KCNAB2: variants seen among roughly 807,000 people sequenced by gnomAD.
KCNAB2 encodes voltage-gated potassium channel subunit beta-2.
In KCNAB2, 29 loss-of-function variants were observed where a neutral mutation model predicts 63.6. The ratio of observed to expected loss-of-function variants is 0.46; its 90% CI spans 0.34 to 0.62. The LOEUF (loss-of-function observed/expected upper bound fraction) is 0.62. KCNAB2 is among the 20% of genes least tolerant of loss of function. The pLI, the probability that KCNAB2 is intolerant of heterozygous loss-of-function variation, is 0.01. For missense variants in KCNAB2, 359 were observed against 563.9 expected, an observed-to-expected ratio of 0.64 and a Z score of 3.68; for synonymous variants, 222 against 224.2, an observed-to-expected ratio of 0.99 and a Z score of 0.09.
intron 7 of KCNAB2, among the ~76,000 whole-genome samples, chr1:6,088,123 A>G (rs900329261): frequency 5.9e-5 from 9 of 152,064 alleles, no homozygotes; most frequent in Non-Finnish European, 1.3e-4. Flanking sequence ...GCAGTGCCAC[A>G]ATCACAGCTC....
Position 6,071,734 on chromosome 1 carries a change from C to T in KCNAB2, c.219-1021C>T, listed in dbSNP as rs12564084. ...AGGGCTCTGCTGCGTAGGACTCCTG[C>T]GGCGAGGGCTCCCTCCTGCCGCGTG... On this transcript the variant is annotated intron_variant, in intron 2 of 15. Coordinates refer to ENST00000378083, the MANE Select transcript of KCNAB2 (RefSeq NM_001199862.2). The surrounding 1 kb of genome is among the most constrained non-coding windows in gnomAD (Gnocchi z 8.5). 1.3e-4 allele frequency among the ~76,000 whole-genome samples: 20 copies of T among 151,992 alleles called. No individual in the cohort carries two copies.
chr1:6,094,330 C>A, intron 10 of KCNAB2, 70 bp from the exon 11 acceptor site: 1 of 1,182,274 alleles, frequency 8.5e-7, no homozygotes, highest in Non-Finnish European at 1.2e-6. Flanking sequence ...CCTGTATTTG[C>A]AGAATGTCCC....
In KCNAB2 at chr1:6,051,611, C is replaced by T. The variant is rs781152824; in HGVS notation, c.75C>T (p.Pro25=). Residue 25 remains proline (P), a synonymous_variant, in exon 2 of 16, where the codon CCC becomes CCT. Coordinates refer to ENST00000378083, the MANE Select transcript of KCNAB2 (RefSeq NM_001199862.2). ...SRCHSEWALH[P]VRQTDTLELQ... Reference sequence around the variant, plus strand: ...GCCACTCTGAATGGGCCCTGCACCCCGTCCGCCAGACGGACACGCTGGAAC... The same window carrying T: ...GCCACTCTGAATGGGCCCTGCACCCTGTCCGCCAGACGGACACGCTGGAAC... 3.2e-5 allele frequency: 49 copies of T among 1,534,704 alleles called. No homozygotes were observed. Among genetic ancestry groups the T allele is most frequent in the Admixed American group, 2.0e-4 (10 of 50,974 alleles).
intron 1 of KCNAB2, chr1:6,034,838 T>A (rs1659905309): frequency 6.6e-6 from 1 of 152,302 alleles, no homozygotes; most frequent in African/African-American, 2.4e-5. Flanking sequence ...ATCTGTTCCA[T>A]GTCTACTAGG....
Position 6,097,365 on chromosome 1 carries a change from T to G in KCNAB2, c.1158+8T>G, listed in dbSNP as rs1010617295. ...AACATTGGGGCAATACAGGTAAGAG[T>G]GAGAGGCCCTGCTGGGCAGAGGGCC... On this transcript the variant is annotated splice_region_variant and intron_variant, in intron 15 of 15. Coordinates refer to ENST00000378083, the MANE Select transcript of KCNAB2 (RefSeq NM_001199862.2). The G allele has an allele frequency of 2.6e-6, 4 of 1,550,580 alleles. No individual in the cohort carries two copies. In the African/African-American group the frequency reaches 5.5e-5, roughly 21 times the overall value.
rs187919663 is a variant in KCNAB2, at chr1:6,073,972, G to A, written c.300+202G>A. 4.5e-3 allele frequency: 2,686 copies of A among 598,230 alleles called. 9 individuals are homozygous for A. Among genetic ancestry groups the A allele is most frequent in the Non-Finnish European group, 6.2e-3 (2,069 of 333,470 alleles). The allele number at this position is 598,230 out of a possible 1,614,324, so 37.1% of individuals were successfully genotyped here. ...GGTGGCCATGGCCAGAGGGGATGCCGAGTCTGGTGCCATCACCCAGCAGTG... is the reference window on the plus strand; with the variant it reads ...GGTGGCCATGGCCAGAGGGGATGCCAAGTCTGGTGCCATCACCCAGCAGTG... On this transcript the variant is annotated intron_variant, in intron 4 of 15. Coordinates refer to ENST00000378083, the MANE Select transcript of KCNAB2 (RefSeq NM_001199862.2). The surrounding 1 kb of genome is among the most constrained non-coding windows in gnomAD (Gnocchi z 5.7).
chr1:6,004,039 A>G (rs759533006), intron 1 of KCNAB2, among the ~76,000 whole-genome samples: 9 of 152,148 alleles, frequency 5.9e-5, no homozygotes, highest in Non-Finnish European at 1.3e-4. Context: ...TCCCCCGGAG[A>G]GCAGGGAGGA....
At chr1:6,070,107 T>C (rs1663073234) in intron 2 of KCNAB2, among the ~76,000 whole-genome samples, 1 of 152,192 alleles carries the variant, frequency 6.6e-6, no homozygotes, top group South Asian at 2.1e-4. Flanking sequence ...TTTGCAGAGG[T>C]GGGGGCCAGG....
Position 6,098,684 on chromosome 1 carries a change from A to G in KCNAB2, c.*110A>G, listed in dbSNP as rs2100806874. ...GAGTGTGGTTTGCATCCAAGAGAAA[A>G]CACCACACTGTGATGTCATCGGGAA... On this transcript the variant is annotated 3_prime_UTR_variant, in exon 16 of 16. Transcript: ENST00000378083. The G allele has an allele frequency of 6.8e-6, 9 of 1,329,790 alleles. 1 individual carries two copies. The South Asian group carries it at 1.2e-4, about 18-fold the overall frequency. 82.4% of individuals were successfully genotyped at this position (1,329,790 alleles called of 1,614,324 possible).
intron 2 of KCNAB2, among the ~76,000 whole-genome samples, chr1:6,063,677 C>A (rs1662510808): frequency 6.6e-6 from 1 of 152,206 alleles, no homozygotes; most frequent in Admixed American, 6.5e-5. Flanking sequence ...TCCCACAGTG[C>A]TGGGATTACA....
intron 1 of KCNAB2, among the ~76,000 whole-genome samples, chr1:6,039,335 A>G (rs1660309745): frequency 6.6e-6 from 1 of 152,172 alleles, no homozygotes; most frequent in Non-Finnish European, 1.5e-5. Context: ...CACTTTGGAA[A>G]TAGAAGCCCC....
chr1:6,059,487 G>T (rs970846717), intron 2 of KCNAB2, among the ~76,000 whole-genome samples: 1 of 152,178 alleles, frequency 6.6e-6, no homozygotes, highest in Non-Finnish European at 1.5e-5. Flanking sequence ...ACTGTGCCCA[G>T]CCACACCTGT....
intron 4 of KCNAB2, among the ~76,000 whole-genome samples, chr1:6,081,438 C>T (rs1298335254): frequency 6.6e-6 from 1 of 152,250 alleles, no homozygotes; most frequent in African/African-American, 2.4e-5. Context: ...ATAGACTCAT[C>T]CCAGCAACAT....
Position 6,086,180 on chromosome 1 carries a change from G to T in KCNAB2, c.425+932G>T, listed in dbSNP as rs1366654915. Reference sequence around the variant, plus strand: ...CAGAAACATCAGAAGCAGTTATAAAGTTGGGCCTCCCTCCTCCCTCCCCTC... The same window carrying T: ...CAGAAACATCAGAAGCAGTTATAAATTTGGGCCTCCCTCCTCCCTCCCCTC... On this transcript the variant is annotated intron_variant, in intron 6 of 15. Transcript: ENST00000378083. This position sits in a 1 kb window ranked among gnomAD's most constrained non-coding sequence, Gnocchi z 4.2. 1.0e-6 allele frequency: 1 copy of T among 985,288 alleles called. No homozygotes were observed. Among genetic ancestry groups the T allele is most frequent in the African/African-American group, 1.7e-5 (1 of 57,212 alleles). The allele number at this position is 985,288 out of a possible 1,614,324, so 61.0% of individuals were successfully genotyped here.
intron 1 of KCNAB2, among the ~76,000 whole-genome samples, chr1:6,005,469 C>T (rs886895801): frequency 3.6e-4 from 33 of 91,256 alleles, no homozygotes; most frequent in African/African-American, 8.1e-4. Flanking sequence ...GAGGCGGGGA[C>T]GTGGCAGCCC....
chr1:6,097,935 G>A (rs970805922), intron 15 of KCNAB2: 17 of 174,498 alleles, frequency 9.7e-5, no homozygotes, highest in Admixed American at 3.6e-4. Flanking sequence ...CTGCTCCATC[G>A]GGGAGGCTTT....
chr1:6,089,394 G>A lies in KCNAB2; in HGVS notation c.514+343G>A, dbSNP rs532872216. ...TAGGGACAGTAAGAGCGCACCCGGC[G>A]AGGGTGGCTGGGATGCCTGCAGCGC... On this transcript the variant is annotated intron_variant, in intron 8 of 15. Coordinates refer to ENST00000378083, the MANE Select transcript of KCNAB2 (RefSeq NM_001199862.2). 3.9e-5 allele frequency among the ~76,000 whole-genome samples: 6 copies of A among 152,362 alleles called. No homozygotes were observed. In the South Asian group the frequency reaches 6.2e-4, roughly 16 times the overall value.
At chr1:6,050,656 A>G (rs1204263428) in intron 1 of KCNAB2, among the ~76,000 whole-genome samples, 1 of 152,222 alleles carries the variant, frequency 6.6e-6, no homozygotes, top group Non-Finnish European at 1.5e-5. Flanking sequence ...TCACTTAGGT[A>G]ACCAGTTTCC....
At chr1:6,052,679 C>G (rs1233272999) in intron 2 of KCNAB2, among the ~76,000 whole-genome samples, 1 of 152,204 alleles carries the variant, frequency 6.6e-6, no homozygotes, top group Non-Finnish European at 1.5e-5. Context: ...TGCAAATTGA[C>G]AGCTTTATCT....
Sources: gnomAD v4.1 joint callset for allele counts (sites outside exome capture counted in the v4.1 genomes callset) on GRCh38, gnomAD v4.1.1 for gene constraint, Gnocchi (gnomAD v3.1) non-coding constraint, MANE v1.5 for transcripts, NCBI Gene and HGNC (gene_info 2026-07-23, HGNC 2026-07-21) for gene names.